CNGA3: variants seen among roughly 807,000 people sequenced by gnomAD.
The protein encoded by CNGA3 is cyclic nucleotide-gated channel alpha-3.
CNGA3 carries 42 observed loss-of-function variants against 46.6 expected under a neutral mutation model. That is an observed-to-expected ratio of 0.90 (90% CI 0.70 to 1.17). The LOEUF (loss-of-function observed/expected upper bound fraction) is 1.17, where lower values mean the gene tolerates loss of function less well. CNGA3 is among the 50% of genes most tolerant of loss of function. The pLI is 0.00. For missense variants in CNGA3, 893 were observed against 890.7 expected, an observed-to-expected ratio of 1.00 and a Z score of -0.03; for synonymous variants, 394 against 369.4, an observed-to-expected ratio of 1.07 and a Z score of -0.76.
At chr2:98,362,484 C>T (rs768749734) in intron 1 of CNGA3, among the ~76,000 whole-genome samples, 13 of 151,916 alleles carry the variant, frequency 8.6e-5, no homozygotes, top group Non-Finnish European at 1.8e-4. Context: ...CCCGGCCTGC[C>T]CACTTTTTAA....
intron 1 of CNGA3, 80 bp from the exon 2 acceptor site, chr2:98,369,859 G>A (rs1354999724): frequency 1.1e-6 from 1 of 881,758 alleles, no homozygotes; most frequent in Non-Finnish European, 1.8e-6. Context: ...GCCGCGTGCG[G>A]TAGCCCTTGC....
intron 2 of CNGA3, among the ~76,000 whole-genome samples, chr2:98,372,377 G>T (rs1692308028): frequency 6.6e-6 from 1 of 152,318 alleles, no homozygotes; most frequent in East Asian, 1.9e-4. Flanking sequence ...GCTCACTCTG[G>T]AATGCACACT....
intron 5 of CNGA3, among the ~76,000 whole-genome samples, chr2:98,386,159 G>T (rs1692649299): frequency 6.6e-6 from 1 of 152,288 alleles, no homozygotes; most frequent in Admixed American, 6.5e-5. Flanking sequence ...ATTGACTTGT[G>T]TGGTAGGCAG....
At chr2:98,356,043 A>T (rs1691872187) in intron 1 of CNGA3, 1 of 152,232 alleles carries the variant, frequency 6.6e-6, no homozygotes, top group Admixed American at 6.5e-5. Context: ...GGTGGTTCAC[A>T]GGTCTCAGGG....
At chr2:98,350,550 T>G (rs1265270262) in intron 1 of CNGA3, among the ~76,000 whole-genome samples, 2 of 152,154 alleles carry the variant, frequency 1.3e-5, no homozygotes, top group African/African-American at 4.8e-5. Flanking sequence ...CCTGAACAGC[T>G]GAATCTTTTT....
intron 1 of CNGA3, among the ~76,000 whole-genome samples, chr2:98,352,977 T>C (rs541931794): frequency 1.4e-4 from 22 of 152,218 alleles, no homozygotes; most frequent in Non-Finnish European, 2.8e-4. Flanking sequence ...ATAACTCTTT[T>C]GGCTTCTTCA....
intron 5 of CNGA3, among the ~76,000 whole-genome samples, chr2:98,388,431 C>T (rs1692708895): frequency 6.6e-6 from 1 of 152,086 alleles, no homozygotes; most frequent in Non-Finnish European, 1.5e-5. Flanking sequence ...TGGAGCAACG[C>T]TATCAGGGGG....
At chr2:98,387,642 G>A (rs765590511) in intron 5 of CNGA3, among the ~76,000 whole-genome samples, 2 of 152,192 alleles carry the variant, frequency 1.3e-5, no homozygotes, top group African/African-American at 4.8e-5. Context: ...TGCCTGAACC[G>A]TCTCGCAGCC....
chr2:98,383,903 T>C (rs1189409789), intron 5 of CNGA3, among the ~76,000 whole-genome samples: 1 of 152,104 alleles, frequency 6.6e-6, no homozygotes, highest in Non-Finnish European at 1.5e-5. Context: ...TTGTTTGTTT[T>C]TGAGATGGAG....
Position 98,380,242 on chromosome 2 carries a change from C to T in CNGA3, c.283C>T (p.Pro95Ser), listed in dbSNP as rs1558812920. 2 of 1,614,192 alleles carry T rather than the reference C, an allele frequency of 1.2e-6. No individual in the cohort carries two copies. Among genetic ancestry groups the T allele is most frequent in the Non-Finnish European group, 1.7e-6 (2 of 1,180,026 alleles). The change falls in exon 4 of 8, where the codon CCG becomes TCG. Residue 95 changes from proline to serine, a missense_variant. Physicochemically the swap from Pro to Ser is moderately conservative, Grantham distance 74. Around this residue, in one of 3 missense-constraint regions of CNGA3, gnomAD observed 333 missense variants for 290.8 expected, o/e 1.15. Transcript: ENST00000272602. ...ARHVHHQDQG[P>S]DSFPDRFRGA... ...GCATGTGCACCACCAGGACCAGGGA[C>T]CGGACTCTTTTCCTGATCGTTTCCG...
At chr2:98,392,842 G>A in intron 7 of CNGA3, among the ~76,000 whole-genome samples, 1 of 152,212 alleles carries the variant, frequency 6.6e-6, no homozygotes, top group East Asian at 1.9e-4. Context: ...TGTGGTTGGG[G>A]ATGGGAAAGG....
rs1350669377 is a variant in CNGA3 at position 98,369,382 on chromosome 2, TA to T, written c.-37-552del. On this transcript the variant is annotated intron_variant, in intron 1 of 7. Coordinates refer to ENST00000272602, the MANE Select transcript of CNGA3 (RefSeq NM_001298.3). ...CAGTTTATTCATCTTTAAATGGGAA[TA>T]AAAATAATAAGTACCTCACAAAGTT... 2.0e-5 allele frequency among the ~76,000 whole-genome samples: 3 copies of T among 152,228 alleles called. No homozygotes were observed. The East Asian group carries it at 5.8e-4, about 29-fold the overall frequency.
intron 3 of CNGA3, 71 bp from the exon 4 acceptor site, chr2:98,380,104 G>A (rs1407720551): frequency 3.2e-6 from 5 of 1,543,216 alleles, no homozygotes; most frequent in Non-Finnish European, 4.5e-6. Context: ...GAGAGAGAGG[G>A]AAAGACTGGG....
At chr2:98,356,280 C>T (rs1457675941) in intron 1 of CNGA3, among the ~76,000 whole-genome samples, 1 of 152,090 alleles carries the variant, frequency 6.6e-6, no homozygotes, top group Non-Finnish European at 1.5e-5. Context: ...GTGCATTTGT[C>T]CAGGGTGATG....
At chr2:98,377,830 G>C in intron 3 of CNGA3, 30 bp downstream of exon 3, 1 of 1,582,734 alleles carries the variant, frequency 6.3e-7, no homozygotes, top group East Asian at 2.3e-5. Context: ...CCCTACCTTG[G>C]CCTGGGGGAC....
chr2:98,377,030 G>C (rs186107260), intron 2 of CNGA3, among the ~76,000 whole-genome samples: 1 of 152,340 alleles, frequency 6.6e-6, no homozygotes, highest in African/African-American at 2.4e-5. Flanking sequence ...TTGCAGGAGA[G>C]AGAGCCTAGA....
intron 5 of CNGA3, among the ~76,000 whole-genome samples, chr2:98,386,070 G>A (rs1220347995): frequency 6.6e-6 from 1 of 152,156 alleles, no homozygotes; most frequent in African/African-American, 2.4e-5. Flanking sequence ...TTATTACATG[G>A]TGGGAGTGAA....
Position 98,391,904 on chromosome 2 carries a change from T to C in CNGA3, c.607T>C (p.Trp203Arg). The C allele has an allele frequency of 6.2e-7, 1 of 1,614,194 alleles. No homozygotes were observed. Among genetic ancestry groups the C allele is most frequent in the Non-Finnish European group, 8.5e-7 (1 of 1,180,022 alleles). Residue 203 changes from tryptophan to arginine, a missense_variant, in exon 7 of 8, where the codon TGG becomes CGG. Trp to Arg is a moderately radical substitution (Grantham distance 101). This residue lies in a region of CNGA3 where 333 missense variants were observed against 290.8 expected (regional missense o/e 1.15). Coordinates refer to ENST00000272602, the MANE Select transcript of CNGA3 (RefSeq NM_001298.3). ...GCTGCAGTCCGAGTACCTGATGCTG[T>C]GGCTGGTCCTGGACTACTCGGCAGA... ...DELQSEYLMLWLVLDYSADVL... is the reference protein window; with the variant it reads ...DELQSEYLMLRLVLDYSADVL...
At chr2:98,347,771 T>C (rs1347834911) in intron 1 of CNGA3, among the ~76,000 whole-genome samples, 5 of 152,190 alleles carry the variant, frequency 3.3e-5, no homozygotes, top group African/African-American at 1.2e-4. Context: ...TCAGCAGGAA[T>C]GGCACCCACC....
Sources: allele counts gnomAD v4.1 joint callset (sites outside exome capture counted in the v4.1 genomes callset), GRCh38; gene constraint gnomAD v4.1.1; regional missense constraint gnomAD v4.1.1; transcripts MANE v1.5; gene names NCBI Gene and HGNC (gene_info 2026-07-23, HGNC 2026-07-21).